The following PTPN2 variants were observed in gnomAD, a reference collection of about 807,000 sequenced individuals.
PTPN2 encodes the protein protein tyrosine phosphatase non-receptor type 2.
A neutral mutation model predicts 57.3 loss-of-function variants in PTPN2; 19 were observed. That is an observed-to-expected ratio of 0.33 (90% CI 0.23 to 0.49). The LOEUF (loss-of-function observed/expected upper bound fraction) is 0.49. PTPN2 is among the 20% of genes least tolerant of loss of function. PTPN2 has a pLI of 0.99. For missense variants in PTPN2, 358 were observed against 501.1 expected (o/e 0.71, Z 2.73); for synonymous variants, 153 against 164.9 (o/e 0.93, Z 0.55).
At chr18:12,785,803 A>G (rs1253505128) in exon 10 of PTPN2, 1 of 1,609,228 alleles carries the variant, frequency 6.2e-7, no homozygotes, top group African/African-American at 1.3e-5. Context: ...TAGCTGCAGA[A>G]TATTCTCAAG....
chr18:12,836,404 C>T (rs146510763), intron 3 of PTPN2, among the ~76,000 whole-genome samples: 52 of 152,258 alleles, frequency 3.4e-4, no homozygotes, highest in African/African-American at 1.2e-3. Context: ...AAGATATATG[C>T]GAGGCAGGGG....
In PTPN2 at chr18:12,792,278, C is replaced by CA; in HGVS notation, c.*1999dup. On this transcript the variant is annotated 3_prime_UTR_variant, in exon 9 of 9. Coordinates refer to ENST00000309660, the MANE Select transcript of PTPN2 (RefSeq NM_002828.4). ...AATATCTATCTATACCAATGGTTTT[C>CA]AAACTTTTTTTTTTTTTTTTTTTGA... is the stretch of plus-strand genomic sequence containing the variant. 1.1e-5 allele frequency: 7 copies of CA among 645,364 alleles called. No homozygotes were observed. Among genetic ancestry groups the CA allele is most frequent in the Non-Finnish European group, 1.3e-5 (7 of 530,882 alleles). The allele number at this position is 645,364 out of a possible 1,614,324, so 40.0% of individuals were successfully genotyped here.
At chr18:12,873,977 G>GC (rs2044372735) in intron 1 of PTPN2, among the ~76,000 whole-genome samples, 1 of 151,452 alleles carries the variant, frequency 6.6e-6, no homozygotes. Context: ...CTGCCCAGCC[G>GC]CCCCATCTGA....
chr18:12,863,466 A>T (rs2043882886), intron 1 of PTPN2: 1 of 151,176 alleles, frequency 6.6e-6, no homozygotes, highest in South Asian at 2.1e-4. Flanking sequence ...TAAAAAAAAA[A>T]AAGTTTCCCA....
At chr18:12,845,178 T>C (rs925280935) in intron 2 of PTPN2, among the ~76,000 whole-genome samples, 1 of 152,210 alleles carries the variant, frequency 6.6e-6, no homozygotes, top group Non-Finnish European at 1.5e-5. Flanking sequence ...CTTGTTTTTA[T>C]CTACAAAAAA....
chr18:12,813,768 A>T (rs1260935366), intron 7 of PTPN2, among the ~76,000 whole-genome samples: 1 of 152,238 alleles, frequency 6.6e-6, no homozygotes, highest in Non-Finnish European at 1.5e-5. Flanking sequence ...AATGAGAATA[A>T]AGCCACCAAC....
intron 1 of PTPN2, chr18:12,869,162 G>C (rs910353167): frequency 6.6e-6 from 1 of 152,132 alleles, no homozygotes; most frequent in East Asian, 1.9e-4. Flanking sequence ...AAATAAACAA[G>C]TAAAATTTTA....
chr18:12,793,479 T>TAC lies in PTPN2; in HGVS notation c.*797_*798dup. ...CTTTACAAAGTCTTGACCAACTGTT[T>TAC]ACCTGACTATCCCAGTAAGGAGAAT... On this transcript the variant is annotated 3_prime_UTR_variant, in exon 9 of 9. Coordinates refer to ENST00000309660, the MANE Select transcript of PTPN2 (RefSeq NM_002828.4). 10 of 977,328 alleles carry TAC rather than the reference T, an allele frequency of 1.0e-5. No individual in the cohort carries two copies. The highest frequency in any genetic ancestry group is 1.2e-5 in the Non-Finnish European group (10 of 822,032). 60.5% of individuals were successfully genotyped at this position (977,328 alleles called of 1,614,324 possible).
intron 3 of PTPN2, among the ~76,000 whole-genome samples, chr18:12,835,343 G>A (rs2042818057): frequency 6.9e-6 from 1 of 144,960 alleles, no homozygotes; most frequent in Non-Finnish European, 1.5e-5. Context: ...TGAGTCTGAT[G>A]CGTTAAAATA....
chr18:12,812,131 T>C (rs570967507), intron 7 of PTPN2, among the ~76,000 whole-genome samples: 15 of 152,326 alleles, frequency 9.8e-5, no homozygotes, highest in Middle Eastern at 3.4e-3. Context: ...ACTGGGAATA[T>C]GCTAATAAAT....
At chr18:12,840,898 T>G in intron 2 of PTPN2, 1 of 1,551,062 alleles carries the variant, frequency 6.4e-7, no homozygotes, top group Non-Finnish European at 8.7e-7. Context: ...ATGACATATC[T>G]TCTCTAACTA....
chr18:12,805,915 A>G (rs906551100), intron 7 of PTPN2, among the ~76,000 whole-genome samples: 2 of 152,136 alleles, frequency 1.3e-5, no homozygotes, highest in Non-Finnish European at 2.9e-5. Flanking sequence ...GGCATGAGCC[A>G]CCGCACCGGG....
At chr18:12,837,681 A>G (rs1390193948) in intron 2 of PTPN2, among the ~76,000 whole-genome samples, 1 of 152,204 alleles carries the variant, frequency 6.6e-6, no homozygotes, top group Non-Finnish European at 1.5e-5. Flanking sequence ...AAAACTAAAA[A>G]CATGGTGTTT....
intron 1 of PTPN2, 36 bp downstream of exon 1, chr18:12,884,037 G>A (rs1372370242): frequency 1.3e-6 from 2 of 1,536,332 alleles, no homozygotes; most frequent in Admixed American, 3.9e-5. Context: ...GGGTCTCGGA[G>A]GAGGTCGGCG....
chr18:12,807,744 A>T (rs2041736118), intron 7 of PTPN2, among the ~76,000 whole-genome samples: 1 of 151,386 alleles, frequency 6.6e-6, no homozygotes, highest in African/African-American at 2.4e-5. Flanking sequence ...TAAAAATGTT[A>T]ATCTCATAGA....
At chr18:12,859,912 G>A (rs2043732901) in intron 1 of PTPN2, among the ~76,000 whole-genome samples, 2 of 152,178 alleles carry the variant, frequency 1.3e-5, no homozygotes, top group Admixed American at 1.3e-4. Context: ...CAACACTTTG[G>A]GAGGCCGAGG....
chr18:12,824,978 C>T (rs1207781160), intron 5 of PTPN2, among the ~76,000 whole-genome samples: 1 of 152,048 alleles, frequency 6.6e-6, no homozygotes, highest in Non-Finnish European at 1.5e-5. Flanking sequence ...CCCAGATACT[C>T]AGGAGGCTGA....
chr18:12,802,561 T>G (rs918984394), intron 7 of PTPN2, among the ~76,000 whole-genome samples: 10 of 152,106 alleles, frequency 6.6e-5, no homozygotes, highest in African/African-American at 2.2e-4. Context: ...CTCTCCAAGG[T>G]ACATTATAAT....
rs775068664 is a variant in PTPN2, at chr18:12,802,095, T to C, written c.915A>G (p.Pro305=). The change falls in exon 8 of 9, where the codon CCA becomes CCG. Residue 305 remains proline, a synonymous_variant. Transcript: ENST00000309660. ...TGTATTTTTCAGTCATTATTTTGTT[T>C]GGTGAATGATCAAAGGCAGGAGATA... ...EDLSPAFDHS[P]NKIMTEKYNG... The C allele has an allele frequency of 6.2e-6, 10 of 1,612,590 alleles. No individual in the cohort carries two copies. Among genetic ancestry groups the C allele is most frequent in the South Asian group, 5.5e-5 (5 of 90,882 alleles).
Sources: gnomAD v4.1 joint callset for allele counts (sites outside exome capture counted in the v4.1 genomes callset) on GRCh38, gnomAD v4.1.1 for gene constraint, MANE v1.5 for transcripts, NCBI Gene and HGNC (gene_info 2026-07-23, HGNC 2026-07-21) for gene names.